ATAD2: variants seen among roughly 807,000 people sequenced by gnomAD.
The protein encoded by ATAD2 is ATPase family AAA domain containing 2.
ATAD2 carries 62 observed loss-of-function variants against 168.9 expected under a neutral mutation model. The ratio of observed to expected loss-of-function variants is 0.37; its 90% CI spans 0.30 to 0.45. ATAD2 has a LOEUF of 0.45. Ranked by LOEUF, ATAD2 falls within the 20% of genes least tolerant of loss-of-function variation. The probability of loss-of-function intolerance (pLI) is 1.00; values close to 1 mark genes in which losing one functional copy is unlikely to be tolerated. For synonymous variants in ATAD2, 613 were observed against 571.6 expected (o/e 1.07, Z -1.03); for missense variants, 1,419 against 1,667.8 (o/e 0.85, Z 2.60).
In ATAD2 at chr8:123,371,294, ATCT is replaced by A. The variant is rs1002255315; in HGVS notation, c.578_580del (p.Lys193del). The A allele has an allele frequency of 2.5e-6, 4 of 1,609,970 alleles. No homozygotes were observed. The African/African-American group carries it at 4.0e-5, about 16-fold the overall frequency. The stretch of plus-strand genomic sequence containing the variant: ...AAGTTCTCTCATTCGCTGTCTACGC[ATCT>A]TCTTCATGTCATCCATTTTTTGAAG... On this transcript the variant is annotated inframe_deletion, in exon 5 of 28. Transcript: ENST00000287394.
upstream of ATAD2, among the ~76,000 whole-genome samples, chr8:123,398,527 A>G (rs1183315284): frequency 1.3e-5 from 2 of 150,322 alleles, no homozygotes; most frequent in Non-Finnish European, 3.0e-5. Flanking sequence ...TACCGTCCCC[A>G]GGAAGACAGA....
intron 24 of ATAD2, among the ~76,000 whole-genome samples, chr8:123,333,231 C>CAAAAA (rs71310667): frequency 4.3e-4 from 19 of 43,986 alleles, no homozygotes; most frequent in East Asian, 8.0e-4. Flanking sequence ...TCTAAAAATA[C>CAAAAA]AAAAAAAAAA....
At chr8:123,407,100 T>C (rs1021268077) in intron 1 of ATAD2, among the ~76,000 whole-genome samples, 5 of 152,068 alleles carry the variant, frequency 3.3e-5, no homozygotes, top group Admixed American at 6.6e-5. Flanking sequence ...ATTGCAGTGA[T>C]GTGTTTATAA....
chr8:123,361,418 T>C (rs919343664), intron 9 of ATAD2, 121 bp downstream of exon 9: 2 of 662,694 alleles, frequency 3.0e-6, no homozygotes, highest in African/African-American at 1.8e-5. Flanking sequence ...AGTTTATACA[T>C]TAACCTGTTG....
At chr8:123,327,818 G>A (rs1827656040) in intron 25 of ATAD2, among the ~76,000 whole-genome samples, 1 of 152,118 alleles carries the variant, frequency 6.6e-6, no homozygotes, top group Admixed American at 6.5e-5. Flanking sequence ...CTCTTATCTT[G>A]CTTAAAAATG....
intron 1 of ATAD2, among the ~76,000 whole-genome samples, chr8:123,415,219 A>C (rs1813235196): frequency 6.6e-6 from 1 of 152,218 alleles, no homozygotes; most frequent in African/African-American, 2.4e-5. Context: ...TGAGGAGGCT[A>C]AAGATAGGGC....
intron 2 of ATAD2, among the ~76,000 whole-genome samples, chr8:123,374,136 T>C (rs1483526092): frequency 6.6e-6 from 1 of 151,224 alleles, no homozygotes. Flanking sequence ...AGGCCAAGAG[T>C]TCAAGACCAG....
chr8:123,395,641 G>T (rs548563427), intron 1 of ATAD2, among the ~76,000 whole-genome samples: 2 of 152,258 alleles, frequency 1.3e-5, no homozygotes, highest in African/African-American at 4.8e-5. Flanking sequence ...ATGAAATGTT[G>T]GTCTTCATCC....
In ATAD2 at chr8:123,346,120, A is replaced by T; in HGVS notation, c.2498T>A (p.Val833Asp). The change falls in exon 18 of 28, where the codon GTT (valine) becomes GAT (aspartate). Residue 833 changes from valine (V) to aspartate (D), a missense_variant. Physicochemically the swap from Val to Asp is radical, Grantham distance 152. Transcript: ENST00000287394. ...YTLDIPVLFGVSTTSPEETCA... is the reference protein window; with the variant it reads ...YTLDIPVLFGDSTTSPEETCA... ...TGTTTCTTCAGGGGATGTAGTACTAACTCCAAAAAGAACAGGAATGTCTAA... is the reference window on the plus strand; with the variant it reads ...TGTTTCTTCAGGGGATGTAGTACTATCTCCAAAAAGAACAGGAATGTCTAA... 2 of 1,591,298 alleles carry T rather than the reference A, an allele frequency of 1.3e-6. No homozygotes were observed. Among genetic ancestry groups the T allele is most frequent in the Non-Finnish European group, 1.7e-6 (2 of 1,171,178 alleles).
At position 123,369,913 on chromosome 8, in the gene ATAD2, T is replaced by C; in HGVS notation, c.839A>G (p.Asp280Gly). The C allele has an allele frequency of 6.3e-7, 1 of 1,587,874 alleles. No homozygotes were observed. Among genetic ancestry groups the C allele is most frequent in the Non-Finnish European group, 8.6e-7 (1 of 1,164,516 alleles). Residue 280 changes from aspartate (D) to glycine (G), a missense_variant, in exon 7 of 28, where the codon GAT becomes GGT. Around this residue, in one of 5 missense-constraint regions of ATAD2, gnomAD observed 419 missense variants for 423.5 expected, o/e 0.99. Coordinates refer to ENST00000287394, the MANE Select transcript of ATAD2 (RefSeq NM_014109.4). ...TTCTTCTCCATCTTCTTCATCTTCA[T>C]CATCTTCATCATCATCATCATCATC... ...DDDDDDDDED[D>G]EDEEDGEEEN...
At chr8:123,401,036 C>T (rs1003662817), upstream of ATAD2, 75 of 1,568,112 alleles carry the variant, frequency 4.8e-5, no homozygotes, top group South Asian at 2.8e-4. Flanking sequence ...GGCAGCAAGC[C>T]GGTGGGCATC....
chr8:123,347,797 G>T (rs1196252122), intron 15 of ATAD2, among the ~76,000 whole-genome samples: 1 of 152,134 alleles, frequency 6.6e-6, no homozygotes, highest in Non-Finnish European at 1.5e-5. Context: ...CAGGAATGAT[G>T]TGAAAATTAC....
chr8:123,358,233 C>T (rs184396772), intron 11 of ATAD2, among the ~76,000 whole-genome samples: 173 of 152,188 alleles, frequency 1.1e-3, no homozygotes, highest in Non-Finnish European at 1.3e-3. Context: ...TAGGCTGGAG[C>T]GCAGTGGCAT....
chr8:123,408,245 A>G (rs1813093817), intron 1 of ATAD2, among the ~76,000 whole-genome samples: 1 of 151,614 alleles, frequency 6.6e-6, no homozygotes, highest in Admixed American at 6.6e-5. Flanking sequence ...TGTCTGGGAG[A>G]TTTTTCTCTT....
At position 123,396,439 on chromosome 8, in the gene ATAD2, C is replaced by T. The variant is rs759830515; in HGVS notation, c.-82G>A. On this transcript the variant is annotated 5_prime_UTR_variant, in exon 1 of 28. Transcript: ENST00000287394. ...CTCGCAGCTCTGGCTCTTCCGCGCT[C>T]CGAATTCTGGCGCCACAAGCTCCGC... The T allele has an allele frequency of 3.6e-6, 5 of 1,376,982 alleles. No individual in the cohort carries two copies. In the South Asian group the frequency reaches 4.5e-5, roughly 12 times the overall value. The allele number at this position is 1,376,982 out of a possible 1,614,324, so 85.3% of individuals were successfully genotyped here.
intron 22 of ATAD2, among the ~76,000 whole-genome samples, chr8:123,334,534 C>A (rs1019958949): frequency 6.6e-6 from 1 of 151,596 alleles, no homozygotes; most frequent in African/African-American, 2.4e-5. Context: ...TAAACCCAAA[C>A]AATTTTACTG....
chr8:123,343,271 C>T lies in ATAD2; in HGVS notation c.2718+1613G>A, dbSNP rs118156143. Among the ~76,000 whole-genome samples the T allele has an allele frequency of 4.3e-3, 652 of 152,164 alleles. 4 individuals carry two copies. Among genetic ancestry groups the T allele is most frequent in the Non-Finnish European group, 5.2e-3 (354 of 68,020 alleles). Reference sequence around the variant, plus strand: ...AATTACAGGCGTGAACCACCGCATCCGGCCAAATATCATCTTCTTACTGAG... The same window carrying T: ...AATTACAGGCGTGAACCACCGCATCTGGCCAAATATCATCTTCTTACTGAG... On this transcript the variant is annotated intron_variant, in intron 19 of 27. Transcript: ENST00000287394.
upstream of ATAD2, among the ~76,000 whole-genome samples, chr8:123,398,858 C>T (rs1360106664): frequency 1.3e-5 from 2 of 152,114 alleles, no homozygotes; most frequent in Non-Finnish European, 2.9e-5. Flanking sequence ...TAGAAAAAAA[C>T]TTTAAAATAA....
intron 19 of ATAD2, among the ~76,000 whole-genome samples, chr8:123,343,743 C>T (rs2131316308): frequency 6.6e-6 from 1 of 152,074 alleles, no homozygotes; most frequent in South Asian, 2.1e-4. Flanking sequence ...CAGAGTCAAG[C>T]AAATTAATAT....
Sources: allele counts gnomAD v4.1 joint callset (sites outside exome capture counted in the v4.1 genomes callset), GRCh38; gene constraint gnomAD v4.1.1; regional missense constraint gnomAD v4.1.1; transcripts MANE v1.5; gene names NCBI Gene and HGNC (gene_info 2026-07-23, HGNC 2026-07-21).